The following DCLK3 variants were observed in gnomAD, a reference collection of about 807,000 sequenced individuals.
DCLK3 encodes the protein doublecortin like kinase 3.
A neutral mutation model predicts 46.4 loss-of-function variants in DCLK3; 30 were observed. The ratio of observed to expected loss-of-function variants is 0.65; its 90% CI spans 0.48 to 0.88. The LOEUF is 0.88. Ranked by LOEUF, DCLK3 falls within the 40% of genes least tolerant of loss-of-function variation. The probability of loss-of-function intolerance (pLI) is 0.00; values close to 1 mark genes in which losing one functional copy is unlikely to be tolerated. For synonymous variants in DCLK3, 401 were observed against 339.2 expected (o/e 1.18, Z -2.00); for missense variants, 846 against 907.1 (o/e 0.93, Z 0.87).
chr3:36,730,187 CATAT>C (rs74390944), intron 2 of DCLK3, among the ~76,000 whole-genome samples: 2 of 121,248 alleles, frequency 1.6e-5, no homozygotes, highest in East Asian at 4.1e-4. Context: ...GTACATACAC[CATAT>C]ATACACACAC....
intron 1 of DCLK3, among the ~76,000 whole-genome samples, chr3:36,748,947 G>T (rs1476202321): frequency 6.6e-6 from 1 of 152,114 alleles, no homozygotes; most frequent in Non-Finnish European, 1.5e-5. Context: ...CTTTCTCTGA[G>T]ACATCCGATG....
intron 2 of DCLK3, among the ~76,000 whole-genome samples, chr3:36,725,329 G>T (rs1316400543): frequency 6.6e-6 from 1 of 151,230 alleles, no homozygotes; most frequent in Non-Finnish European, 1.5e-5. Context: ...AAAAAAACGG[G>T]GGGTGGGGCA....
rs751948204 is a variant in DCLK3 at position 36,737,627 on chromosome 3, T to G, written c.1540A>C (p.Met514Leu). Residue 514 changes from methionine to leucine, a missense_variant, in exon 2 of 5, where the codon ATG (methionine) becomes CTG (leucine). Coordinates refer to ENST00000636136, the MANE Select transcript of DCLK3 (RefSeq NM_001394672.2). The surrounding 1 kb of genome is among the most constrained non-coding windows in gnomAD (Gnocchi z 4.4). ...TCCACATTGGCGGCAATGATGCCCA[T>G]GGGCCGTGGCTTCCGACCGCTGGGC... ...ERPSGRKPRP[M>L]GIIAANVEKH... 6.8e-6 allele frequency: 11 copies of G among 1,614,058 alleles called. No individual in the cohort carries two copies. In the South Asian group the frequency reaches 8.8e-5, roughly 13 times the overall value.
At chr3:36,754,755 G>C (rs1386432566) in intron 1 of DCLK3, among the ~76,000 whole-genome samples, 2 of 152,104 alleles carry the variant, frequency 1.3e-5, no homozygotes, top group African/African-American at 4.8e-5. Context: ...ACTCCTTCAT[G>C]TATCTTTTCT....
intron 1 of DCLK3, among the ~76,000 whole-genome samples, chr3:36,743,836 C>T (rs1291664071): frequency 6.6e-6 from 1 of 152,070 alleles, no homozygotes; most frequent in African/African-American, 2.4e-5. Flanking sequence ...CAATTCCAAC[C>T]CACTCCACCT....
At chr3:36,730,948 AG>A (rs1701191591) in intron 2 of DCLK3, among the ~76,000 whole-genome samples, 1 of 152,054 alleles carries the variant, frequency 6.6e-6, no homozygotes, top group Non-Finnish European at 1.5e-5. Flanking sequence ...GGGCAGGAGC[AG>A]GGCGAGTGAG....
intron 1 of DCLK3, among the ~76,000 whole-genome samples, chr3:36,759,727 G>A (rs1396032): frequency 0.67 from 101,954 of 151,980 alleles, 34,358 homozygotes; most frequent in African/African-American, 0.73. Context: ...CTCAGTCTTA[G>A]AATACTATTC....
rs369590553 is a variant in DCLK3, at chr3:36,715,366, G to T, written c.2416C>A (p.Arg806=). 6.2e-7 allele frequency: 1 copy of T among 1,613,980 alleles called. No homozygotes were observed. The highest frequency in any genetic ancestry group is 8.5e-7 in the Non-Finnish European group (1 of 1,180,018). ...TCCACAACCCTCTTGTGCTGGCTCC[G>T]GAAGTGACCCTCGCTGCTGGGGGAC... ...QVSPSSEGHF[R]SQHKRVVEQV... is the part of the protein sequence containing the mutation. The change falls in exon 5 of 5, where the codon CGG becomes AGG. Residue 806 remains arginine, a synonymous_variant. Transcript: ENST00000636136.
At position 36,717,901 on chromosome 3, in the gene DCLK3, G is replaced by A. The variant is rs545357359; in HGVS notation, c.2260+109C>T. ...ACTGAGGAAGTAAAGGCTGAGACAT[G>A]ACATGTTGACAGTCCAACTCTGCAC... On this transcript the variant is annotated intron_variant, in intron 4 of 4. Coordinates refer to ENST00000636136, the MANE Select transcript of DCLK3 (RefSeq NM_001394672.2). 10 of 1,387,706 alleles carry A rather than the reference G, an allele frequency of 7.2e-6. No individual in the cohort carries two copies. The Admixed American group carries it at 1.9e-4, about 27-fold the overall frequency. The allele number at this position is 1,387,706 out of a possible 1,614,324, so 86.0% of individuals were successfully genotyped here.
At chr3:36,746,075 T>C (rs1235584109) in intron 1 of DCLK3, among the ~76,000 whole-genome samples, 2 of 152,246 alleles carry the variant, frequency 1.3e-5, no homozygotes, top group African/African-American at 2.4e-5. Context: ...CTATCCTCTT[T>C]ATTACCAACA....
intron 2 of DCLK3, among the ~76,000 whole-genome samples, chr3:36,723,720 G>A (rs985677496): frequency 3.9e-5 from 6 of 152,200 alleles, no homozygotes; most frequent in African/African-American, 1.4e-4. Flanking sequence ...TCAAGAATTG[G>A]GGTTTAGGAA....
intron 1 of DCLK3, among the ~76,000 whole-genome samples, chr3:36,751,063 T>TAAAA (rs5847933): frequency 0.013 from 1,005 of 76,416 alleles, 101 homozygotes; most frequent in East Asian, 0.087. Flanking sequence ...CGGGATGATC[T>TAAAA]AAAAAAAAAA....
At chr3:36,725,355 A>G (rs1244949926) in intron 2 of DCLK3, among the ~76,000 whole-genome samples, 1 of 150,086 alleles carries the variant, frequency 6.7e-6, no homozygotes, top group East Asian at 2.0e-4. Flanking sequence ...AGTGGCTTAC[A>G]TCTGTAATCC....
chr3:36,721,634 G>A lies in DCLK3; in HGVS notation c.1985C>T (p.Thr662Ile). The A allele has an allele frequency of 6.2e-7, 1 of 1,614,128 alleles. No individual in the cohort carries two copies. The change falls in exon 3 of 5, where the codon ACT (threonine) becomes ATT (isoleucine). Residue 662 changes from threonine (T) to isoleucine (I), a missense_variant. Physicochemically the swap from Thr to Ile is moderately conservative, Grantham distance 89. Around this residue, in one of 3 missense-constraint regions of DCLK3, gnomAD observed 247 missense variants for 322.8 expected, o/e 0.77. Coordinates refer to ENST00000636136, the MANE Select transcript of DCLK3 (RefSeq NM_001394672.2). ...LLVQRNEDKS[T>I]TLKLADFGLA... ...TCCAAAATCAGCCAATTTCAAGGTA[G>A]TAGATTTGTCCTCATTTCGCTGAAC...
chr3:36,717,418 G>A (rs1482712785), intron 4 of DCLK3, among the ~76,000 whole-genome samples: 1 of 152,108 alleles, frequency 6.6e-6, no homozygotes, highest in East Asian at 1.9e-4. Flanking sequence ...TACTTTTTAA[G>A]CTAAAGACTC....
chr3:36,738,665 T>G lies in DCLK3; in HGVS notation c.502A>C (p.Ile168Leu). 1 of 1,330,104 alleles carries G rather than the reference T, an allele frequency of 7.5e-7. No individual in the cohort carries two copies. The highest frequency in any genetic ancestry group is 9.7e-7 in the Non-Finnish European group (1 of 1,032,666). 82.4% of individuals were successfully genotyped at this position (1,330,104 alleles called of 1,614,324 possible). A position where few individuals can be genotyped will look rare whatever the true frequency, so the allele number is the denominator to read the frequency against. Residue 168 changes from isoleucine (I) to leucine (L), a missense_variant, in exon 2 of 5, where the codon ATA becomes CTA. Ile to Leu is a conservative substitution (Grantham distance 5). Around this residue, in one of 3 missense-constraint regions of DCLK3, gnomAD observed 553 missense variants for 543.0 expected, o/e 1.02. Transcript: ENST00000636136. The stretch of plus-strand genomic sequence containing the variant: ...GTCAGTGGTTCTTTGCCCATAGCTA[T>G]GAAAGCATCCCCTTCCCTGAAGAAA... ...SDFFREGDAF[I>L]AMGKEPLTLK... is the part of the protein sequence containing the mutation.
chr3:36,734,850 C>A (rs1168062957), intron 2 of DCLK3, among the ~76,000 whole-genome samples: 1 of 152,166 alleles, frequency 6.6e-6, no homozygotes, highest in Non-Finnish European at 1.5e-5. Flanking sequence ...ATATTCCTTG[C>A]TGTTTTCCTA....
At chr3:36,740,859 C>T (rs1701337151) in intron 1 of DCLK3, among the ~76,000 whole-genome samples, 1 of 152,206 alleles carries the variant, frequency 6.6e-6, no homozygotes, top group African/African-American at 2.4e-5. Context: ...TTTGAATCAA[C>T]TGTAGCAGAA....
intron 2 of DCLK3, among the ~76,000 whole-genome samples, chr3:36,722,961 A>C (rs1701079653): frequency 6.6e-6 from 1 of 152,170 alleles, no homozygotes; most frequent in Admixed American, 6.5e-5. Flanking sequence ...ACAGGCAGAG[A>C]CTGGTACAGT....
Sources: allele counts gnomAD v4.1 joint callset (sites outside exome capture counted in the v4.1 genomes callset), GRCh38; gene constraint gnomAD v4.1.1; regional missense constraint gnomAD v4.1.1; non-coding constraint Gnocchi (gnomAD v3.1); transcripts MANE v1.5; gene names NCBI Gene and HGNC (gene_info 2026-07-23, HGNC 2026-07-21).